ATG16L2: variants seen among roughly 807,000 people sequenced by gnomAD.
ATG16L2 encodes the protein protein Atg16l2.
ATG16L2 carries 77 observed loss-of-function variants against 84.7 expected under a neutral mutation model. The ratio of observed to expected loss-of-function variants is 0.91; its 90% CI spans 0.76 to 1.10. The LOEUF is 1.10. Ranked by LOEUF, ATG16L2 falls within the 50% of genes least tolerant of loss-of-function variation. The pLI, the probability that ATG16L2 is intolerant of heterozygous loss-of-function variation, is 0.00. For missense variants in ATG16L2, 782 were observed against 817.6 expected (o/e 0.96, Z 0.53); for synonymous variants, 361 against 342.8 (o/e 1.05, Z -0.59).
At chr11:72,840,346 T>C (rs1377190691) in intron 5 of ATG16L2, among the ~76,000 whole-genome samples, 2 of 152,068 alleles carry the variant, frequency 1.3e-5, no homozygotes, top group South Asian at 2.1e-4. Flanking sequence ...GAAAATAAAA[T>C]TGCAAAGTAT....
At position 72,824,705 on chromosome 11, in the gene ATG16L2, C is replaced by T. The variant is rs765280500; in HGVS notation, c.888-29C>T. ...CACCTGAGAAGGACTTGCTGAATGC[C>T]CTCCTGACCCCAACCCACCTTACCC... On this transcript the variant is annotated intron_variant, in intron 8 of 17. Coordinates refer to ENST00000321297, the MANE Select transcript of ATG16L2 (RefSeq NM_033388.2). 16 of 1,570,438 alleles carry T rather than the reference C, an allele frequency of 1.0e-5. No individual in the cohort carries two copies. In the African/African-American group the frequency reaches 1.6e-4, roughly 16 times the overall value.
chr11:72,841,383 TG>T, intron 5 of ATG16L2: 1 of 1,395,240 alleles, frequency 7.2e-7, no homozygotes, highest in Admixed American at 2.6e-5. Context: ...AGTTTTTTTT[TG>T]CCCTTCAGGC....
chr11:72,828,836 C>T, intron 16 of ATG16L2, 47 bp from the exon 17 acceptor site: 2 of 1,613,780 alleles, frequency 1.2e-6, no homozygotes, highest in South Asian at 2.2e-5. Context: ...CTGTGTGTGC[C>T]CTCCCCTCTG....
At chr11:72,826,080 G>T in intron 10 of ATG16L2, 93 bp from the exon 11 acceptor site, 1 of 1,018,150 alleles carries the variant, frequency 9.8e-7, no homozygotes, top group Non-Finnish European at 1.5e-6. Flanking sequence ...TCGGGGGGTG[G>T]GGCGGGAACT....
At position 72,822,257 on chromosome 11, in the gene ATG16L2, C is replaced by T; in HGVS notation, c.606C>T (p.Ala202=). 6.7e-7 allele frequency: 1 copy of T among 1,499,120 alleles called. No homozygotes were observed. Among genetic ancestry groups the T allele is most frequent in the Non-Finnish European group, 8.8e-7 (1 of 1,134,640 alleles). 92.9% of individuals were successfully genotyped at this position (1,499,120 alleles called of 1,614,324 possible). The change falls in exon 5 of 18, where the codon GCC becomes GCT. Residue 202 remains alanine, a synonymous_variant. Coordinates refer to ENST00000321297, the MANE Select transcript of ATG16L2 (RefSeq NM_033388.2). The surrounding 1 kb of genome is among the most constrained non-coding windows in gnomAD (Gnocchi z 4.2). The part of the protein sequence containing the change: ...LERLVQRKAR[A]AAERNLRNER... Reference sequence around the variant, plus strand: ...GGCTCGTGCAGCGCAAGGCGCGCGCCGCGGCCGAGCGCAACCTGCGCAACG... The same window carrying T: ...GGCTCGTGCAGCGCAAGGCGCGCGCTGCGGCCGAGCGCAACCTGCGCAACG...
chr11:72,823,943 T>C, intron 7 of ATG16L2, 117 bp from the exon 8 acceptor site: 1 of 1,147,374 alleles, frequency 8.7e-7, no homozygotes, highest in Non-Finnish European at 1.3e-6. Flanking sequence ...CAAGTTCTTA[T>C]CCCAGACTTG....
intron 3 of ATG16L2, among the ~76,000 whole-genome samples, chr11:72,820,548 G>T (rs765815451): frequency 4.6e-5 from 7 of 152,230 alleles, no homozygotes; most frequent in Non-Finnish European, 8.8e-5. Flanking sequence ...GTGGTGAAAA[G>T]AATTATGTTA....
chr11:72,837,547 C>G (rs777437660), intron 5 of ATG16L2: 1 of 152,008 alleles, frequency 6.6e-6, no homozygotes, highest in Non-Finnish European at 1.5e-5. Flanking sequence ...CAGGAGCGGA[C>G]AGCAGACAGT....
At chr11:72,834,378 A>G (rs1242873910), downstream of ATG16L2, among the ~76,000 whole-genome samples, 2 of 152,160 alleles carry the variant, frequency 1.3e-5, no homozygotes, top group African/African-American at 2.4e-5. Context: ...AATCTAGAGG[A>G]TAAAGGTTTG....
intron 5 of ATG16L2, among the ~76,000 whole-genome samples, chr11:72,840,371 G>A (rs1860880759): frequency 1.3e-5 from 2 of 152,236 alleles, no homozygotes; most frequent in South Asian, 2.1e-4. Flanking sequence ...CTGGATTACC[G>A]TGCAAGTTAT....
intron 5 of ATG16L2, chr11:72,838,960 C>A: frequency 8.0e-7 from 1 of 1,245,064 alleles, no homozygotes; most frequent in South Asian, 1.3e-5. Context: ...CTCATCTGTC[C>A]AAGGACATGG....
rs575863435 is a variant in ATG16L2, at chr11:72,817,585, G to A, written c.219-171G>A. Among the ~76,000 whole-genome samples, 48 of 152,360 alleles carry A rather than the reference G, an allele frequency of 3.2e-4. No individual in the cohort carries two copies. The South Asian group carries it at 9.3e-3, about 30-fold the overall frequency. ...GGAATCTTAGAGCAGAGGAGTCATG[G>A]ACAGCTCATTTCTAGAGACTTGCCT... On this transcript the variant is annotated intron_variant, in intron 2 of 17. Transcript: ENST00000321297.
At chr11:72,828,662 A>C in intron 15 of ATG16L2, 67 bp from the exon 16 acceptor site, 2 of 1,604,412 alleles carry the variant, frequency 1.2e-6, no homozygotes, top group South Asian at 2.2e-5. Context: ...GAAGCTCTGG[A>C]AGCTCACTGC....
Position 72,826,755 on chromosome 11 carries a change from C to T in ATG16L2, c.1298C>T (p.Thr433Met), listed in dbSNP as rs370896555. 35 of 1,614,098 alleles carry T rather than the reference C, an allele frequency of 2.2e-5. No individual in the cohort carries two copies. Among genetic ancestry groups the T allele is most frequent in the African/African-American group, 4.0e-5 (3 of 75,032 alleles). The change falls in exon 13 of 18, where the codon ACG (threonine) becomes ATG (methionine). Residue 433 changes from threonine (T) to methionine (M), a missense_variant. By Grantham distance (81) the Thr-to-Met change is moderately conservative (BLOSUM62 -1). Transcript: ENST00000321297. Reference protein sequence around the residue: ...DKVTAAKFKLTRHQAVTGSRD... With the variant: ...DKVTAAKFKLMRHQAVTGSRD... ...GTGACAGCTGCCAAATTCAAGCTAA[C>T]GAGGCACCAGGCAGTGACTGGGAGC...
At position 72,820,424 on chromosome 11, in the gene ATG16L2, C is replaced by G. The variant is rs536043541; in HGVS notation, c.319-1244C>G. The G allele has an allele frequency of 7.9e-5, 12 of 152,314 alleles. No individual in the cohort carries two copies. The East Asian group carries it at 1.9e-3, about 24-fold the overall frequency. The allele number at this position is 152,314 out of a possible 1,614,324, so 9.4% of individuals were successfully genotyped here. On this transcript the variant is annotated intron_variant, in intron 3 of 17. Coordinates refer to ENST00000321297, the MANE Select transcript of ATG16L2 (RefSeq NM_033388.2). The stretch of plus-strand genomic sequence containing the variant: ...CCCTGGCAAGTACTAATCTGTTTTC[C>G]ACTTCTACTACTTGAATTTTGAAAG...
rs367835102 is a variant in ATG16L2, at chr11:72,824,601, C to T, written c.888-133C>T. ...TCGAGGCTGGGTTGGGGAATGCTCT[C>T]GCTGCTCCTTGGGGCCATGTTCTGC... On this transcript the variant is annotated intron_variant, in intron 8 of 17. Transcript: ENST00000321297. 203 of 712,264 alleles carry T rather than the reference C, an allele frequency of 2.9e-4. 2 individuals carry two copies. In the East Asian group the frequency reaches 5.2e-3, roughly 18 times the overall value. 44.1% of individuals were successfully genotyped at this position (712,264 alleles called of 1,614,324 possible). A position where few individuals can be genotyped will look rare whatever the true frequency, so the allele number is the denominator to read the frequency against.
At position 72,824,103 on chromosome 11, in the gene ATG16L2, G is replaced by A. The variant is rs1860187909; in HGVS notation, c.868G>A (p.Val290Met). Reference sequence around the variant, plus strand: ...CCTGACGCTGTCCCACTGTGTGGATGTGGTGAAGGGGCTTCTGGAGTAAGT... The same window carrying A: ...CCTGACGCTGTCCCACTGTGTGGATATGGTGAAGGGGCTTCTGGAGTAAGT... ...TSLTLSHCVDVVKGLLDFKKR... is the reference protein window; with the variant it reads ...TSLTLSHCVDMVKGLLDFKKR... Residue 290 changes from valine to methionine, a missense_variant, in exon 8 of 18, where the codon GTG (valine) becomes ATG (methionine). Transcript: ENST00000321297. 1.2e-6 allele frequency: 2 copies of A among 1,614,228 alleles called. No individual in the cohort carries two copies. The highest frequency in any genetic ancestry group is 2.2e-5 in the East Asian group (1 of 44,886).
chr11:72,828,897 A>G lies in ATG16L2; in HGVS notation c.1685A>G (p.Tyr562Cys), dbSNP rs777734621. 8 of 1,613,962 alleles carry G rather than the reference A, an allele frequency of 5.0e-6. No homozygotes were observed. The highest frequency in any genetic ancestry group is 6.8e-6 in the Non-Finnish European group (8 of 1,180,008). Reference protein sequence around the residue: ...TKAVFSPDRSYALAGSCDGAL... With the variant: ...TKAVFSPDRSCALAGSCDGAL... Reference sequence around the variant, plus strand: ...GGCCACTACAGCCCGGACAGAAGCTATGCACTGGCAGGCTCCTGTGATGGG... The same window carrying G: ...GGCCACTACAGCCCGGACAGAAGCTGTGCACTGGCAGGCTCCTGTGATGGG... Residue 562 changes from tyrosine to cysteine, a missense_variant, in exon 17 of 18, where the codon TAT becomes TGT. Coordinates refer to ENST00000321297, the MANE Select transcript of ATG16L2 (RefSeq NM_033388.2).
In ATG16L2 at chr11:72,828,347, C is replaced by T; in HGVS notation, c.1473-12C>T. 6.2e-7 allele frequency: 1 copy of T among 1,613,930 alleles called. No homozygotes were observed. Among genetic ancestry groups the T allele is most frequent in the Non-Finnish European group, 8.5e-7 (1 of 1,179,900 alleles). ...GCTGTTCCTCATCCCTGTCTCTGTC[C>T]TTGTTCCTCAGGGGGCCCCACTGCA... On this transcript the variant is annotated splice_polypyrimidine_tract_variant and intron_variant, in intron 14 of 17. Transcript: ENST00000321297.
Sources: allele counts gnomAD v4.1 joint callset (sites outside exome capture counted in the v4.1 genomes callset), GRCh38; gene constraint gnomAD v4.1.1; non-coding constraint Gnocchi (gnomAD v3.1); transcripts MANE v1.5; gene names NCBI Gene and HGNC (gene_info 2026-07-23, HGNC 2026-07-21).